PRR16: variants seen among roughly 807,000 people sequenced by gnomAD.
The protein encoded by PRR16 is proline rich 16.
PRR16 carries 6 observed loss-of-function variants against 18.2 expected under a neutral mutation model. The ratio of observed to expected loss-of-function variants is 0.33; its 90% CI spans 0.18 to 0.65. The LOEUF (loss-of-function observed/expected upper bound fraction) is 0.65. Among genes scored for constraint, PRR16 ranks in the 30% least tolerant of loss-of-function variants. The probability of loss-of-function intolerance (pLI) is 0.74; values close to 1 mark genes in which losing one functional copy is unlikely to be tolerated. For synonymous variants in PRR16, 151 were observed against 147.8 expected (o/e 1.02, Z -0.16); for missense variants, 412 against 376.6 (o/e 1.09, Z -0.78).
the PRR16 span, among the ~76,000 whole-genome samples, chr5:120,727,268 T>C: frequency 6.6e-6 from 1 of 152,136 alleles, no homozygotes; most frequent in Non-Finnish European, 1.5e-5. Flanking sequence ...TTGCATACTT[T>C]TCTGGGATAA....
At chr5:120,774,862 G>T in the PRR16 span, among the ~76,000 whole-genome samples, 1 of 152,060 alleles carries the variant, frequency 6.6e-6, no homozygotes, top group African/African-American at 2.4e-5. Context: ...ATTTATAAGA[G>T]AGCAGGTCTA....
chr5:120,714,806 G>C, the PRR16 span, among the ~76,000 whole-genome samples: 1 of 152,170 alleles, frequency 6.6e-6, no homozygotes, highest in South Asian at 2.1e-4. Flanking sequence ...ATACTATCCA[G>C]CATAAAAAGG....
At chr5:120,550,877 C>T (rs1752232383) in intron 1 of PRR16, among the ~76,000 whole-genome samples, 2 of 151,880 alleles carry the variant, frequency 1.3e-5, no homozygotes, top group South Asian at 2.1e-4. Context: ...CTCTCAATAC[C>T]GTTTCTCCTT....
the PRR16 span, among the ~76,000 whole-genome samples, chr5:120,793,462 G>T: frequency 5.9e-5 from 9 of 152,078 alleles, no homozygotes; most frequent in African/African-American, 2.2e-4. Flanking sequence ...GGATAAAAAG[G>T]GAAAAATCAT....
At chr5:120,490,841 T>C in intron 1 of PRR16, among the ~76,000 whole-genome samples, 1 of 152,220 alleles carries the variant, frequency 6.6e-6, no homozygotes, top group Non-Finnish European at 1.5e-5. Context: ...GGTGTGGATG[T>C]CCTTTCTGTT....
chr5:120,518,453 C>T (rs1353864137), intron 1 of PRR16, among the ~76,000 whole-genome samples: 1 of 151,970 alleles, frequency 6.6e-6, no homozygotes, highest in Admixed American at 6.6e-5. Context: ...CCAGGAGTGG[C>T]ATGGAAACTG....
At chr5:120,653,927 T>A (rs1755877371) in intron 1 of PRR16, among the ~76,000 whole-genome samples, 1 of 152,016 alleles carries the variant, frequency 6.6e-6, no homozygotes, top group Non-Finnish European at 1.5e-5. Context: ...TAAACAAGAC[T>A]ATGGCACAGA....
the PRR16 span, among the ~76,000 whole-genome samples, chr5:120,732,941 A>G: frequency 6.6e-6 from 1 of 152,204 alleles, no homozygotes; most frequent in Non-Finnish European, 1.5e-5. Context: ...TGTTAGCTCA[A>G]TTATACCAGA....
At chr5:120,701,922 G>A in the PRR16 span, among the ~76,000 whole-genome samples, 4 of 152,172 alleles carry the variant, frequency 2.6e-5, no homozygotes, top group African/African-American at 9.7e-5. Context: ...TATTTGGAAC[G>A]ACTGTCGAAT....
At chr5:120,530,138 T>C (rs1343048854) in intron 1 of PRR16, among the ~76,000 whole-genome samples, 3 of 148,710 alleles carry the variant, frequency 2.0e-5, no homozygotes. Flanking sequence ...ACCTTGTAAA[T>C]ATGCTACAGA....
Position 120,510,266 on chromosome 5 carries a change from C to T in PRR16, c.159+45621C>T, listed in dbSNP as rs141493282. Among the ~76,000 whole-genome samples, 671 of 152,266 alleles carry T rather than the reference C, an allele frequency of 4.4e-3. 8 individuals carry two copies. The highest frequency in any genetic ancestry group is 0.016 in the African/African-American group (652 of 41,558). ...GGCAAAGTATTTATGATTGGCAGAA[C>T]ACTTTGTGTTCTCAGAAAGCTATTT... On this transcript the variant is annotated intron_variant, in intron 1 of 1. Coordinates refer to ENST00000407149, the MANE Select transcript of PRR16 (RefSeq NM_001300783.2).
chr5:120,707,871 A>C, the PRR16 span, among the ~76,000 whole-genome samples: 1 of 152,174 alleles, frequency 6.6e-6, no homozygotes, highest in Admixed American at 6.5e-5. Flanking sequence ...TGCATATGGG[A>C]ATGAGGCTTG....
At chr5:120,566,321 T>C (rs1752736760) in intron 1 of PRR16, among the ~76,000 whole-genome samples, 1 of 152,206 alleles carries the variant, frequency 6.6e-6, no homozygotes. Context: ...CTTTCCTTTA[T>C]GAAGAACCCA....
chr5:120,740,459 T>A, the PRR16 span, among the ~76,000 whole-genome samples: 3 of 152,164 alleles, frequency 2.0e-5, no homozygotes, highest in Admixed American at 1.3e-4. Flanking sequence ...ATTTCTCTTT[T>A]AAACATTTTA....
intron 1 of PRR16, among the ~76,000 whole-genome samples, chr5:120,650,671 G>T (rs1336821910): frequency 6.6e-6 from 1 of 152,018 alleles, no homozygotes; most frequent in East Asian, 1.9e-4. Flanking sequence ...TCATTTTTAT[G>T]GCTGCATAGT....
chr5:120,730,821 C>G, the PRR16 span, among the ~76,000 whole-genome samples: 1 of 152,084 alleles, frequency 6.6e-6, no homozygotes, highest in Admixed American at 6.6e-5. Flanking sequence ...TTGTTATTTA[C>G]CCTGAGATGA....
intron 1 of PRR16, among the ~76,000 whole-genome samples, chr5:120,638,382 TAAAC>T (rs893486008): frequency 2.6e-5 from 4 of 152,150 alleles, no homozygotes; most frequent in Admixed American, 6.6e-5. Context: ...AAAAGCTGCT[TAAAC>T]AATGTATTTG....
At chr5:120,546,581 G>A (rs186240909) in intron 1 of PRR16, among the ~76,000 whole-genome samples, 47 of 152,250 alleles carry the variant, frequency 3.1e-4, no homozygotes, top group African/African-American at 9.9e-4. Context: ...AACTTGAGGA[G>A]ACAGGTATCA....
the PRR16 span, among the ~76,000 whole-genome samples, chr5:120,787,826 T>G: frequency 6.6e-6 from 1 of 152,168 alleles, no homozygotes; most frequent in African/African-American, 2.4e-5. Flanking sequence ...TCATCAAAAT[T>G]TTTCAACATT....
Sources: gnomAD v4.1 joint callset for allele counts (sites outside exome capture counted in the v4.1 genomes callset) on GRCh38, gnomAD v4.1.1 for gene constraint, MANE v1.5 for transcripts, NCBI Gene and HGNC (gene_info 2026-07-23, HGNC 2026-07-21) for gene names.